The following POLA1 variants were observed in gnomAD, a reference collection of about 807,000 sequenced individuals.
POLA1 encodes DNA polymerase alpha catalytic subunit.
POLA1 carries 15 observed loss-of-function variants against 124.0 expected under a neutral mutation model. That is an observed-to-expected ratio of 0.12 (90% CI 0.08 to 0.19). The LOEUF is 0.19. Ranked by LOEUF, POLA1 falls within the 10% of genes least tolerant of loss-of-function variation. The probability of loss-of-function intolerance (pLI) is 1.00; values close to 1 mark genes in which losing one functional copy is unlikely to be tolerated. For missense variants in POLA1, 886 were observed against 1,103.4 expected, an observed-to-expected ratio of 0.80 and a Z score of 2.79; for synonymous variants, 408 against 389.4, an observed-to-expected ratio of 1.05 and a Z score of -0.56.
At chrX:24,977,005 C>G (rs2048370939) in intron 36 of POLA1, among the ~76,000 whole-genome samples, 1 of 112,441 alleles carries the variant, frequency 8.9e-6, no homozygotes, top group Non-Finnish European at 1.9e-5. Flanking sequence ...TTTTCTAAAC[C>G]TGCTCTTAAA....
intron 36 of POLA1, among the ~76,000 whole-genome samples, chrX:24,953,482 G>A (rs1368738459): frequency 8.9e-6 from 1 of 111,814 alleles, no homozygotes; most frequent in Non-Finnish European, 1.9e-5. Context: ...AGAAGCTGGT[G>A]TTTAAGCTGA....
At position 24,969,426 on chromosome X, in the gene POLA1, G is replaced by T. The variant is rs763228176; in HGVS notation, c.4262-26379G>T. 1.3e-4 allele frequency among the ~76,000 whole-genome samples: 14 copies of T among 110,464 alleles called. No homozygotes were observed. In the South Asian group the frequency reaches 3.9e-3, roughly 31 times the overall value. ...ACCCCTAATGATAGAATTTATCCCT[G>T]CAGGGAAAAGGTAAACCAAGATACC... On this transcript the variant is annotated intron_variant, in intron 36 of 36. Transcript: ENST00000379068.
chrX:24,693,958 G>A lies in POLA1; in HGVS notation c.-4G>A. The A allele has an allele frequency of 3.3e-6, 4 of 1,194,965 alleles. No homozygotes were observed. The highest frequency in any genetic ancestry group is 4.5e-6 in the Non-Finnish European group (4 of 886,646). Reference sequence around the variant, plus strand: ...GTTGGCGCGGAATCGGGAGATTCGGGACCATGGCACCTGTGCACGGCGACG... The same window carrying A: ...GTTGGCGCGGAATCGGGAGATTCGGAACCATGGCACCTGTGCACGGCGACG... On this transcript the variant is annotated 5_prime_UTR_variant, in exon 1 of 37. Coordinates refer to ENST00000379068, the MANE Select transcript of POLA1 (RefSeq NM_001330360.2).
chrX:24,996,360 C>G lies in POLA1; in HGVS notation c.*410C>G. ...AGCTTCTCAGAGCCTGACTGAAGAG[C>G]TGACGTTTTGCTTTTTCATATGCCA... is the stretch of plus-strand genomic sequence containing the variant. On this transcript the variant is annotated 3_prime_UTR_variant, in exon 37 of 37. Coordinates refer to ENST00000379068, the MANE Select transcript of POLA1 (RefSeq NM_001330360.2). 1 of 118,828 alleles carries G rather than the reference C, an allele frequency of 8.4e-6. No homozygotes were observed. Among genetic ancestry groups the G allele is most frequent in the Admixed American group, 9.2e-5 (1 of 10,889 alleles). The allele number at this position is 118,828 out of a possible 1,213,427, so 9.8% of individuals were successfully genotyped here. A position where few individuals can be genotyped will look rare whatever the true frequency, so the allele number is the denominator to read the frequency against.
At chrX:24,843,260 G>A (rs1046253817) in intron 33 of POLA1, among the ~76,000 whole-genome samples, 1 of 111,781 alleles carries the variant, frequency 8.9e-6, no homozygotes, top group African/African-American at 3.3e-5. Context: ...TATTTACAGA[G>A]GGAAAATTAT....
At chrX:24,969,451 C>T (rs1367618712) in intron 36 of POLA1, among the ~76,000 whole-genome samples, 2 of 110,180 alleles carry the variant, frequency 1.8e-5, no homozygotes, top group Non-Finnish European at 3.8e-5. Flanking sequence ...ACCAAGATAC[C>T]ATGCAATTGT....
intron 34 of POLA1, among the ~76,000 whole-genome samples, chrX:24,850,329 A>G (rs1015912858): frequency 3.6e-5 from 4 of 112,188 alleles, no homozygotes; most frequent in African/African-American, 1.3e-4. Context: ...ATCAAATCCA[A>G]TTCCCTAAAA....
At chrX:24,854,729 T>C (rs936021627) in intron 34 of POLA1, among the ~76,000 whole-genome samples, 1 of 109,545 alleles carries the variant, frequency 9.1e-6, no homozygotes, top group South Asian at 3.9e-4. Context: ...CTTGGGAGGC[T>C]GAGGCAGGAA....
chrX:24,723,397 C>T (rs1930326541), intron 11 of POLA1, 130 bp downstream of exon 11: 1 of 467,334 alleles, frequency 2.1e-6, no homozygotes, highest in Admixed American at 3.7e-5. Flanking sequence ...TTTCTTGCTG[C>T]TTGCCTGGTG....
chrX:24,791,630 T>C (rs2045499132), intron 26 of POLA1, among the ~76,000 whole-genome samples: 1 of 112,416 alleles, frequency 8.9e-6, no homozygotes, highest in Non-Finnish European at 1.9e-5. Context: ...ATGATCCACC[T>C]GCCTCGGCCT....
intron 36 of POLA1, among the ~76,000 whole-genome samples, chrX:24,971,184 A>G (rs185689930): frequency 2.7e-5 from 3 of 112,364 alleles, no homozygotes; most frequent in Non-Finnish European, 1.9e-5. Context: ...AATGAGCACC[A>G]CTTCAGAAGG....
chrX:24,826,712 T>G (rs1475379345), intron 32 of POLA1, 111 bp downstream of exon 32: 1 of 481,395 alleles, frequency 2.1e-6, no homozygotes, highest in Non-Finnish European at 3.4e-6. Flanking sequence ...TGGCACTTCT[T>G]TGTTTATAGT....
At chrX:24,938,743 T>C (rs898911434) in intron 36 of POLA1, among the ~76,000 whole-genome samples, 1 of 112,684 alleles carries the variant, frequency 8.9e-6, no homozygotes, top group African/African-American at 3.2e-5. Context: ...TAACACTGGT[T>C]TATTTTTCTC....
chrX:24,715,652 A>T (rs1408480594), intron 6 of POLA1, among the ~76,000 whole-genome samples: 1 of 111,710 alleles, frequency 9.0e-6, no homozygotes, highest in Non-Finnish European at 1.9e-5. Flanking sequence ...ACCAAAAAAC[A>T]AAGAAACCCC....
chrX:24,851,350 A>G (rs1380829013), intron 34 of POLA1, among the ~76,000 whole-genome samples: 3 of 112,743 alleles, frequency 2.7e-5, no homozygotes, highest in Non-Finnish European at 5.6e-5. Flanking sequence ...CAAGACTGTG[A>G]CCATACTTGG....
intron 34 of POLA1, among the ~76,000 whole-genome samples, chrX:24,870,378 A>G (rs2046849347): frequency 2.7e-5 from 3 of 112,100 alleles, no homozygotes; most frequent in Admixed American, 9.5e-5. Flanking sequence ...AAGGAATTCA[A>G]AAAATTCATC....
intron 34 of POLA1, among the ~76,000 whole-genome samples, chrX:24,874,373 T>G (rs2046905344): frequency 8.9e-6 from 1 of 112,180 alleles, no homozygotes; most frequent in African/African-American, 3.2e-5. Context: ...ATGTACATGA[T>G]GTAAACCATT....
At chrX:24,920,767 A>G (rs1475465805) in intron 35 of POLA1, among the ~76,000 whole-genome samples, 1 of 111,916 alleles carries the variant, frequency 8.9e-6, no homozygotes, top group Non-Finnish European at 1.9e-5. Context: ...TGCAAAGGAG[A>G]GTGCTCTGAA....
chrX:24,758,946 A>G (rs1932750816), intron 26 of POLA1, among the ~76,000 whole-genome samples: 1 of 111,706 alleles, frequency 9.0e-6, no homozygotes, highest in Non-Finnish European at 1.9e-5. Flanking sequence ...GGCATGAGCC[A>G]CTGTGCCTGG....
Sources: allele counts gnomAD v4.1 joint callset (sites outside exome capture counted in the v4.1 genomes callset), GRCh38; gene constraint gnomAD v4.1.1; transcripts MANE v1.5; gene names NCBI Gene and HGNC (gene_info 2026-07-23, HGNC 2026-07-21).